Variants in CYRIB observed in about 807,000 individuals in gnomAD.
CYRIB encodes the protein CYFIP-related Rac1 interactor B.
Under a neutral mutation model 44.2 loss-of-function variants are expected in CYRIB, and 8 were observed. The observed-to-expected ratio is 0.18, with a 90% CI of 0.11 to 0.33. The LOEUF (loss-of-function observed/expected upper bound fraction) is 0.33, where lower values mean the gene tolerates loss of function less well. Ranked by LOEUF, CYRIB falls within the 10% of genes least tolerant of loss-of-function variation. CYRIB has a pLI of 1.00. For synonymous variants in CYRIB, 131 were observed against 127.2 expected (o/e 1.03, Z -0.20); for missense variants, 185 against 382.8 (o/e 0.48, Z 4.31).
chr8:129,934,507 A>G (rs959609001), intron 1 of CYRIB, among the ~76,000 whole-genome samples: 15 of 152,188 alleles, frequency 9.9e-5, no homozygotes, highest in African/African-American at 3.6e-4. Context: ...GGTCTCACTA[A>G]TGCAGGCCTC....
At chr8:129,934,512 G>C (rs1203208107) in intron 1 of CYRIB, among the ~76,000 whole-genome samples, 1 of 152,066 alleles carries the variant, frequency 6.6e-6, no homozygotes, top group Non-Finnish European at 1.5e-5. Flanking sequence ...CACTAATGCA[G>C]GCCTCCACAA....
At chr8:130,012,791 C>A (rs1002869386) in intron 1 of CYRIB, among the ~76,000 whole-genome samples, 1 of 152,180 alleles carries the variant, frequency 6.6e-6, no homozygotes, top group African/African-American at 2.4e-5. Context: ...TTGCTCTCAA[C>A]CTCATGCATC....
Position 129,891,393 on chromosome 8 carries a change from C to T in CYRIB, c.-11+11919G>A, listed in dbSNP as rs1408692882. On this transcript the variant is annotated intron_variant, in intron 2 of 11. Coordinates refer to ENST00000519824, the Ensembl canonical transcript of CYRIB. The stretch of plus-strand genomic sequence containing the variant: ...GAGAACAGCTTAATCCTTAACCTTA[C>T]TAACACTATCTAACTCACTGCTATC... Among the ~76,000 whole-genome samples, 3 of 141,742 alleles carry T rather than the reference C, an allele frequency of 2.1e-5. 1 individual carries two copies. The highest frequency in any genetic ancestry group is 5.1e-4 in the South Asian group (2 of 3,930). The allele number at this position is 141,742 out of a possible 152,430, so 93.0% of individuals were successfully genotyped here.
chr8:130,007,346 G>A (rs1343919983), intron 1 of CYRIB, among the ~76,000 whole-genome samples: 5 of 152,206 alleles, frequency 3.3e-5, no homozygotes, highest in African/African-American at 1.2e-4. Context: ...AACAGGAGGT[G>A]GGCACTGAAG....
intron 1 of CYRIB, among the ~76,000 whole-genome samples, chr8:129,999,612 C>G (rs759096646): frequency 6.6e-6 from 1 of 152,200 alleles, no homozygotes; most frequent in Non-Finnish European, 1.5e-5. Flanking sequence ...GAATCTCCCA[C>G]AAGGTTTTGT....
intron 1 of CYRIB, among the ~76,000 whole-genome samples, chr8:129,905,369 C>T (rs933535392): frequency 1.3e-5 from 2 of 152,142 alleles, no homozygotes; most frequent in African/African-American, 2.4e-5. Context: ...AGGCGCCTGC[C>T]ACCATTCCCC....
intron 2 of CYRIB, among the ~76,000 whole-genome samples, chr8:129,884,190 C>T (rs2061832523): frequency 6.6e-6 from 1 of 152,090 alleles, no homozygotes. Context: ...AACTAATACC[C>T]CTTTTAGCTG....
chr8:129,919,672 C>A (rs886937096), intron 1 of CYRIB, among the ~76,000 whole-genome samples: 1 of 152,040 alleles, frequency 6.6e-6, no homozygotes, highest in Non-Finnish European at 1.5e-5. Context: ...TAACAACTTC[C>A]AAAGACATTT....
intron 1 of CYRIB, among the ~76,000 whole-genome samples, chr8:129,991,944 A>C (rs62524595): frequency 1.6e-5 from 1 of 64,438 alleles, no homozygotes; most frequent in Non-Finnish European, 2.8e-5. Context: ...GCAGAGTCGC[A>C]AAAAAAAAAA....
At chr8:130,000,970 G>A (rs1186105721) in intron 1 of CYRIB, among the ~76,000 whole-genome samples, 1 of 152,172 alleles carries the variant, frequency 6.6e-6, no homozygotes, top group Non-Finnish European at 1.5e-5. Flanking sequence ...TCAAACATAT[G>A]TTTGGTACCT....
chr8:129,860,357 C>A (rs576320439), intron 5 of CYRIB, among the ~76,000 whole-genome samples: 2 of 152,010 alleles, frequency 1.3e-5, no homozygotes, highest in Admixed American at 6.6e-5. Flanking sequence ...CAGAAACCAG[C>A]GTAAGAAAAG....
intron 5 of CYRIB, among the ~76,000 whole-genome samples, chr8:129,856,082 G>A (rs2046076882): frequency 6.6e-6 from 1 of 152,194 alleles, no homozygotes; most frequent in South Asian, 2.1e-4. Flanking sequence ...CACACAGTGT[G>A]GAATTTGGTT....
chr8:129,858,457 C>T (rs866754241), intron 5 of CYRIB, among the ~76,000 whole-genome samples: 2 of 152,186 alleles, frequency 1.3e-5, no homozygotes, highest in Non-Finnish European at 2.9e-5. Context: ...AATCAGTCCA[C>T]AAGCTAGGAC....
At chr8:129,865,526 A>G (rs958210763) in intron 4 of CYRIB, among the ~76,000 whole-genome samples, 3 of 152,234 alleles carry the variant, frequency 2.0e-5, no homozygotes, top group African/African-American at 7.2e-5. Context: ...CTATTGTTTC[A>G]TTTGTATGAC....
At chr8:129,876,609 AC>A (rs1389901868) in intron 3 of CYRIB, among the ~76,000 whole-genome samples, 10 of 152,224 alleles carry the variant, frequency 6.6e-5, no homozygotes, top group African/African-American at 2.4e-4. Flanking sequence ...AATTTTGTAA[AC>A]TACAAGATTC....
At chr8:129,912,753 T>C (rs1246127941) in intron 1 of CYRIB, among the ~76,000 whole-genome samples, 1 of 151,994 alleles carries the variant, frequency 6.6e-6, no homozygotes, top group Non-Finnish European at 1.5e-5. Context: ...AACAATTCTA[T>C]ATGATAATCA....
Position 129,851,192 on chromosome 8 carries a change from G to C in CYRIB, c.634-278C>G, listed in dbSNP as rs192644962. On this transcript the variant is annotated intron_variant, in intron 8 of 11. Coordinates refer to ENST00000519824, the Ensembl canonical transcript of CYRIB. Reference sequence around the variant, plus strand: ...GCAGACAGGGGGTCAAAGGTGTAGAGTTTTATAGGCTATGAAATAGTTGGA... The same window carrying C: ...GCAGACAGGGGGTCAAAGGTGTAGACTTTTATAGGCTATGAAATAGTTGGA... 44 of 374,940 alleles carry C rather than the reference G, an allele frequency of 1.2e-4. No individual in the cohort carries two copies. In the Admixed American group the frequency reaches 1.6e-3, roughly 13 times the overall value. 23.2% of individuals were successfully genotyped at this position (374,940 alleles called of 1,614,324 possible).
rs145555963 is a variant in CYRIB at position 129,995,880 on chromosome 8, C to T, written c.-296+20490G>A. Among the ~76,000 whole-genome samples, 1,280 of 152,318 alleles carry T rather than the reference C, an allele frequency of 8.4e-3. 7 individuals are homozygous for T. The highest frequency in any genetic ancestry group is 0.041 in the Middle Eastern group (12 of 294). On this transcript the variant is annotated intron_variant, in intron 1 of 14. Coordinates refer to the CYRIB transcript ENST00000401979. The stretch of plus-strand genomic sequence containing the variant: ...AGGCTACCAGGTAGGCTAAAGATGT[C>T]AACATGGTAGATGGCAATCTGCTTC...
chr8:129,903,516 T>C lies in CYRIB; in HGVS notation c.-49-166A>G, dbSNP rs1002374452. On this transcript the variant is annotated intron_variant, in intron 1 of 11. Transcript: ENST00000519824. Reference sequence around the variant, plus strand: ...TTTCCTTGGATTAACTCAACCACCATTTATGGAGGACCTATTTAGAGTAAG... The same window carrying C: ...TTTCCTTGGATTAACTCAACCACCACTTATGGAGGACCTATTTAGAGTAAG... Among the ~76,000 whole-genome samples the C allele has an allele frequency of 3.3e-5, 5 of 152,202 alleles. 1 individual carries two copies. The highest frequency in any genetic ancestry group is 3.3e-4 in the Admixed American group (5 of 15,282).
Sources: allele counts gnomAD v4.1 joint callset (sites outside exome capture counted in the v4.1 genomes callset), GRCh38; gene constraint gnomAD v4.1.1; transcripts MANE v1.5; gene names NCBI Gene and HGNC (gene_info 2026-07-23, HGNC 2026-07-21).